The following SLC36A1 variants were observed in gnomAD, a reference collection of about 807,000 sequenced individuals.
The protein encoded by SLC36A1 is solute carrier family 36 member 1.
A neutral mutation model predicts 47.5 loss-of-function variants in SLC36A1; 30 were observed. The ratio of observed to expected loss-of-function variants is 0.63; its 90% confidence interval spans 0.47 to 0.86. The LOEUF (loss-of-function observed/expected upper bound fraction) is 0.86, where lower values mean the gene tolerates loss of function less well. SLC36A1 is among the 40% of genes least tolerant of loss of function. The probability of loss-of-function intolerance (pLI) is 0.00; values close to 1 mark genes in which losing one functional copy is unlikely to be tolerated. For synonymous variants in SLC36A1, 255 were observed against 249.7 expected (o/e 1.02, Z -0.20); for missense variants, 517 against 606.0 (o/e 0.85, Z 1.54).
downstream of SLC36A1, among the ~76,000 whole-genome samples, chr5:151,496,123 T>C (rs554508299): frequency 2.2e-4 from 33 of 152,330 alleles, no homozygotes; most frequent in Non-Finnish European, 4.3e-4. Context: ...GGGAGGTGAC[T>C]GATTTGTGGG....
chr5:151,484,813 AGAGCT>A (rs1759302473), intron 10 of SLC36A1, among the ~76,000 whole-genome samples: 1 of 152,220 alleles, frequency 6.6e-6, no homozygotes, highest in Non-Finnish European at 1.5e-5. Flanking sequence ...ACTGAGTGGT[AGAGCT>A]GAGGTTGGAG....
chr5:151,464,057 C>T (rs1353257702), intron 3 of SLC36A1, among the ~76,000 whole-genome samples: 5 of 152,224 alleles, frequency 3.3e-5, no homozygotes, highest in African/African-American at 1.2e-4. Flanking sequence ...GATTTACCTC[C>T]AGTTGACTGC....
the SLC36A1 span, among the ~76,000 whole-genome samples, chr5:151,535,730 G>A: frequency 1.3e-5 from 2 of 152,316 alleles, no homozygotes; most frequent in Admixed American, 1.3e-4. Flanking sequence ...TGCAACTGGT[G>A]TCTGGGTAAG....
chr5:151,438,143 T>G (rs1759881857), intron 1 of SLC36A1, among the ~76,000 whole-genome samples: 1 of 152,200 alleles, frequency 6.6e-6, no homozygotes, highest in Non-Finnish European at 1.5e-5. Context: ...CGAGATTAAT[T>G]AACGTCTTTG....
chr5:151,365,737 GTTCCCTAAC>G, the SLC36A1 span, among the ~76,000 whole-genome samples: 5 of 152,228 alleles, frequency 3.3e-5, no homozygotes, highest in African/African-American at 1.2e-4. Context: ...GTTAGCACTA[GTTCCCTAAC>G]TTCTTGGAAC....
At chr5:151,432,141 G>A (rs1016326273), upstream of SLC36A1, among the ~76,000 whole-genome samples, 9 of 152,082 alleles carry the variant, frequency 5.9e-5, no homozygotes, top group Non-Finnish European at 8.8e-5. Context: ...GATGGGTGCC[G>A]GGAATGAAAC....
At position 151,479,817 on chromosome 5, in the gene SLC36A1, C is replaced by A. The variant is rs1212954605; in HGVS notation, c.1159+328C>A. 4 of 528,644 alleles carry A rather than the reference C, an allele frequency of 7.6e-6. No homozygotes were observed. The South Asian group carries it at 1.3e-4, about 17-fold the overall frequency. 32.7% of individuals were successfully genotyped at this position (528,644 alleles called of 1,614,324 possible). A position where few individuals can be genotyped will look rare whatever the true frequency, so the allele number is the denominator to read the frequency against. On this transcript the variant is annotated intron_variant, in intron 10 of 10. Coordinates refer to ENST00000243389, the MANE Select transcript of SLC36A1 (RefSeq NM_078483.4). The stretch of plus-strand genomic sequence containing the variant: ...AGGTAAAGGTCTGAAAGCCATTTAA[C>A]CCATATCTGTAATGAGTATAAGTTA...
At position 151,492,054 on chromosome 5, in the gene SLC36A1, G is replaced by T. The variant is rs544718239; in HGVS notation, c.*3800G>T. On this transcript the variant is annotated 3_prime_UTR_variant, in exon 11 of 11. Transcript: ENST00000243389. ...CAGAGTAAGGAAGGTAGCAGATATAGGTGCAGGGTGCCTGTCATTCACTGT... is the reference window on the plus strand; with the variant it reads ...CAGAGTAAGGAAGGTAGCAGATATATGTGCAGGGTGCCTGTCATTCACTGT... The T allele has an allele frequency of 6.6e-6, 1 of 152,334 alleles. No individual in the cohort carries two copies. Among genetic ancestry groups the T allele is most frequent in the South Asian group, 2.1e-4 (1 of 4,830 alleles). 9.4% of individuals were successfully genotyped at this position (152,334 alleles called of 1,614,324 possible). A position where few individuals can be genotyped will look rare whatever the true frequency, so the allele number is the denominator to read the frequency against.
chr5:151,427,850 A>G, the SLC36A1 span, among the ~76,000 whole-genome samples: 3 of 152,180 alleles, frequency 2.0e-5, no homozygotes, highest in African/African-American at 4.8e-5. Flanking sequence ...GGACAGTTAC[A>G]TTATTTTGGT....
At chr5:151,395,194 A>T in the SLC36A1 span, among the ~76,000 whole-genome samples, 1 of 152,110 alleles carries the variant, frequency 6.6e-6, no homozygotes, top group Non-Finnish European at 1.5e-5. Context: ...TGGGCGTGGG[A>T]CCCTCTGAGC....
the SLC36A1 span, chr5:151,380,422 A>G: frequency 2.5e-6 from 1 of 402,354 alleles, no homozygotes; most frequent in Non-Finnish European, 5.0e-6. Flanking sequence ...CAAAGGAAGA[A>G]GCAGAAAGAA....
upstream of SLC36A1, among the ~76,000 whole-genome samples, chr5:151,443,233 G>A (rs1162114516): frequency 6.6e-6 from 1 of 151,904 alleles, no homozygotes; most frequent in East Asian, 1.9e-4. Flanking sequence ...TTTAAAAAAA[G>A]AAACTTTTAC....
At chr5:151,415,280 T>G in the SLC36A1 span, among the ~76,000 whole-genome samples, 5 of 152,310 alleles carry the variant, frequency 3.3e-5, no homozygotes, top group African/African-American at 1.2e-4. Context: ...GGAAGCCTTC[T>G]GGGGCTTCCC....
intron 10 of SLC36A1, among the ~76,000 whole-genome samples, chr5:151,481,583 A>G (rs1277089166): frequency 6.6e-6 from 1 of 150,694 alleles, no homozygotes; most frequent in Admixed American, 6.6e-5. Context: ...CTTTTCCCCA[A>G]CTTTTCCTCC....
At chr5:151,534,530 A>G in the SLC36A1 span, 7 of 1,613,922 alleles carry the variant, frequency 4.3e-6, no homozygotes, top group Admixed American at 5.0e-5. Context: ...CATCCTCCAC[A>G]TGGAGGGTGA....
At chr5:151,521,331 G>C in the SLC36A1 span, 1 of 1,613,936 alleles carries the variant, frequency 6.2e-7, no homozygotes, top group Non-Finnish European at 8.5e-7. Flanking sequence ...TGCTGAGCCT[G>C]GCGGTGCTGT....
At chr5:151,505,721 C>T in the SLC36A1 span, 1 of 1,613,982 alleles carries the variant, frequency 6.2e-7, no homozygotes, top group African/African-American at 1.3e-5. Context: ...GGCGCATACC[C>T]ACCCCCTTGT....
At chr5:151,550,508 A>T in the SLC36A1 span, 5 of 1,461,942 alleles carry the variant, frequency 3.4e-6, no homozygotes, top group Admixed American at 8.9e-5. Context: ...GGGAAGGGGG[A>T]CCTTCAGCAT....
the SLC36A1 span, among the ~76,000 whole-genome samples, chr5:151,515,978 AC>A: frequency 6.6e-6 from 1 of 152,192 alleles, no homozygotes; most frequent in Non-Finnish European, 1.5e-5. Flanking sequence ...TACGTCTCTG[AC>A]CAACTCCTCC....
Sources: allele counts gnomAD v4.1 joint callset (sites outside exome capture counted in the v4.1 genomes callset), GRCh38; gene constraint gnomAD v4.1.1; transcripts MANE v1.5; gene names NCBI Gene and HGNC (gene_info 2026-07-23, HGNC 2026-07-21).